HGSNAT: variants seen among roughly 807,000 people sequenced by gnomAD.
The protein encoded by HGSNAT is heparan-alpha-glucosaminide N-acetyltransferase.
In HGSNAT, 59 loss-of-function variants were observed where a neutral mutation model predicts 85.2. That is an observed-to-expected ratio of 0.69 (90% confidence interval 0.56 to 0.86). The LOEUF is 0.86. HGSNAT is among the 40% of genes least tolerant of loss of function. HGSNAT has a pLI of 0.00. For missense variants in HGSNAT, 756 were observed against 777.1 expected, an observed-to-expected ratio of 0.97 and a Z score of 0.32; for synonymous variants, 321 against 304.5, an observed-to-expected ratio of 1.05 and a Z score of -0.56.
chr8:43,142,558 G>C (rs756361895), intron 1 of HGSNAT, among the ~76,000 whole-genome samples: 4 of 152,160 alleles, frequency 2.6e-5, no homozygotes, highest in Non-Finnish European at 4.4e-5. Flanking sequence ...ACAGTCTCTA[G>C]CTGTGGTTCC....
chr8:43,185,196 G>A (rs1451781362), intron 11 of HGSNAT, among the ~76,000 whole-genome samples: 1 of 152,108 alleles, frequency 6.6e-6, no homozygotes, highest in Non-Finnish European at 1.5e-5. Context: ...AGCTTGATGG[G>A]GATGGCATTG....
intron 6 of HGSNAT, among the ~76,000 whole-genome samples, 193 bp from the exon 7 acceptor site, chr8:43,170,392 A>G (rs1302895367): frequency 6.6e-6 from 1 of 152,052 alleles, no homozygotes; most frequent in East Asian, 1.9e-4. Flanking sequence ...AGGCAGGAGA[A>G]TCGCTTGACC....
intron 5 of HGSNAT, 105 bp downstream of exon 5, chr8:43,161,612 A>G: frequency 1.3e-6 from 1 of 762,474 alleles, no homozygotes; most frequent in Admixed American, 3.1e-5. Context: ...CGATGATATG[A>G]ACATTTCTGT....
At chr8:43,176,447 T>TAAG (rs1803815417) in intron 9 of HGSNAT, among the ~76,000 whole-genome samples, 1 of 152,248 alleles carries the variant, frequency 6.6e-6, no homozygotes, top group Admixed American at 6.5e-5. Flanking sequence ...TTTGTTTCTA[T>TAAG]AGCTCTGTGG....
chr8:43,149,464 C>T (rs959489507), intron 2 of HGSNAT, among the ~76,000 whole-genome samples: 2 of 152,024 alleles, frequency 1.3e-5, no homozygotes, highest in African/African-American at 4.8e-5. Context: ...TTTGGGAGGC[C>T]GAGGCGGGCG....
chr8:43,197,972 A>C lies in HGSNAT; in HGVS notation c.1726+20A>C. ...ATCCAGGTAAGTCACCTCCAACCTC[A>C]AACAGAGCTGGGATGGTGACCAGGA... On this transcript the variant is annotated intron_variant, in intron 17 of 17. Coordinates refer to ENST00000379644, the MANE Select transcript of HGSNAT (RefSeq NM_152419.3). The C allele has an allele frequency of 1.9e-6, 3 of 1,550,298 alleles. No homozygotes were observed. Among genetic ancestry groups the C allele is most frequent in the Non-Finnish European group, 2.7e-6 (3 of 1,125,656 alleles).
intron 14 of HGSNAT, chr8:43,196,376 C>G (rs1804726467): frequency 3.2e-6 from 3 of 927,122 alleles, no homozygotes; most frequent in Non-Finnish European, 4.5e-6. Context: ...TAAATGTTTC[C>G]CTGCCTCCCC....
chr8:43,196,643 GC>G (rs1400941189), intron 14 of HGSNAT: 8 of 762,612 alleles, frequency 1.0e-5, no homozygotes, highest in Non-Finnish European at 1.6e-5. Flanking sequence ...TGTGCCTGCT[GC>G]CCCATTCTGC....
intron 11 of HGSNAT, among the ~76,000 whole-genome samples, chr8:43,186,329 T>C (rs1804308562): frequency 1.3e-5 from 2 of 152,242 alleles, no homozygotes; most frequent in Non-Finnish European, 2.9e-5. Context: ...GTTATTGTTC[T>C]ATTCAGGGAT....
At chr8:43,198,373 C>T (rs186805821) in intron 17 of HGSNAT, among the ~76,000 whole-genome samples, 188 of 148,334 alleles carry the variant, frequency 1.3e-3, no homozygotes, top group African/African-American at 4.4e-3. Context: ...CTGCAAGCTC[C>T]GCTTCCCAGG....
rs1802476089 is a variant in HGSNAT, at chr8:43,140,494, G to GAA, written c.-3_-2insAA. 7.8e-6 allele frequency: 8 copies of GAA among 1,021,680 alleles called. No homozygotes were observed. The South Asian group carries it at 3.1e-4, about 40-fold the overall frequency. The allele number at this position is 1,021,680 out of a possible 1,614,324, so 63.3% of individuals were successfully genotyped here. On this transcript the variant is annotated 5_prime_UTR_variant, in exon 1 of 18. Transcript: ENST00000379644. ...GGCAAGGGCGGCCGAGCGGGCGGCG[G>GAA]GCATGAGCGGGGCGGGCAGGGCGCT...
intron 2 of HGSNAT, among the ~76,000 whole-genome samples, chr8:43,158,154 A>G (rs903715728): frequency 1.3e-5 from 2 of 152,010 alleles, no homozygotes; most frequent in African/African-American, 4.8e-5. Flanking sequence ...GCTGGAGTGC[A>G]GTGGCGTGAT....
Position 43,178,241 on chromosome 8 carries a change from A to C in HGSNAT, c.1012+7A>C, listed in dbSNP as rs769973702. On this transcript the variant is annotated splice_region_variant and intron_variant, in intron 10 of 17. Transcript: ENST00000379644. The stretch of plus-strand genomic sequence containing the variant: ...AATTATTGCCTTGGTCCATGTAAGT[A>C]CTTTTTCCCTCTGTTATATATATTC... The C allele has an allele frequency of 6.6e-7, 1 of 1,511,802 alleles. No homozygotes were observed. The highest frequency in any genetic ancestry group is 8.8e-7 in the Non-Finnish European group (1 of 1,132,268). The allele number at this position is 1,511,802 out of a possible 1,614,324, so 93.6% of individuals were successfully genotyped here.
At position 43,199,236 on chromosome 8, in the gene HGSNAT, C is replaced by T. The variant is rs143307747; in HGVS notation, c.1727-152C>T. Among the ~76,000 whole-genome samples the T allele has an allele frequency of 3.0e-4, 46 of 152,316 alleles. No homozygotes were observed. The East Asian group carries it at 6.7e-3, about 22-fold the overall frequency. ...TTTTGATATGGTTTATATTTAAATA[C>T]CTAAGATATGCATTACTTATTTTTG... On this transcript the variant is annotated intron_variant, in intron 17 of 17. Transcript: ENST00000379644.
chr8:43,145,019 A>G (rs1174410968), intron 1 of HGSNAT, among the ~76,000 whole-genome samples: 1 of 152,234 alleles, frequency 6.6e-6, no homozygotes, highest in Admixed American at 6.5e-5. Context: ...TTCAGATTTC[A>G]GAGGTGGAGA....
intron 14 of HGSNAT, chr8:43,194,575 G>T (rs1427343724): frequency 1.0e-6 from 1 of 955,482 alleles, no homozygotes; most frequent in Admixed American, 6.2e-5. Flanking sequence ...AACACTGCAG[G>T]TTCATTTGTC....
Sources: allele counts gnomAD v4.1 joint callset (sites outside exome capture counted in the v4.1 genomes callset), GRCh38; gene constraint gnomAD v4.1.1; transcripts MANE v1.5; gene names NCBI Gene and HGNC (gene_info 2026-07-23, HGNC 2026-07-21).